Variants in TTC28 observed in about 807,000 individuals in gnomAD.
TTC28 encodes the protein tetratricopeptide repeat protein 28.
TTC28 carries 61 observed loss-of-function variants against 198.0 expected under a neutral mutation model. That is an observed-to-expected ratio of 0.31 (90% CI 0.25 to 0.38). TTC28 has a LOEUF of 0.38. Among genes scored for constraint, TTC28 ranks in the 10% least tolerant of loss-of-function variants. The probability of loss-of-function intolerance (pLI) is 1.00; values close to 1 mark genes in which losing one functional copy is unlikely to be tolerated. For missense variants in TTC28, 2,678 were observed against 3,164.0 expected (o/e 0.85, Z 3.69); for synonymous variants, 1,171 against 1,297.8 (o/e 0.90, Z 2.10).
intron 2 of TTC28, among the ~76,000 whole-genome samples, chr22:28,505,902 G>T (rs1009378990): frequency 2.4e-4 from 36 of 152,218 alleles, no homozygotes; most frequent in African/African-American, 8.7e-4. Flanking sequence ...AGTTCCCGGG[G>T]AAGAAGGGTG....
At chr22:28,304,971 ATTATTTATTTATTTAT>A (rs112686882) in intron 3 of TTC28, among the ~76,000 whole-genome samples, 3 of 147,884 alleles carry the variant, frequency 2.0e-5, no homozygotes, top group Non-Finnish European at 3.0e-5. Flanking sequence ...TTGTTTATTT[ATTATTTATTTATTTAT>A]TTATTTATTT....
chr22:28,391,290 C>A (rs1463676090), intron 2 of TTC28, among the ~76,000 whole-genome samples: 1 of 152,108 alleles, frequency 6.6e-6, no homozygotes, highest in Non-Finnish European at 1.5e-5. Context: ...TCCTTCATTT[C>A]AACTTTGGTG....
In TTC28 at chr22:28,366,010, T is replaced by C. The variant is rs2070979330; in HGVS notation, c.382-59367A>G. 2.0e-5 allele frequency among the ~76,000 whole-genome samples: 3 copies of C among 152,204 alleles called. 1 individual carries two copies. The South Asian group carries it at 6.2e-4, about 31-fold the overall frequency. On this transcript the variant is annotated intron_variant, in intron 2 of 22. Coordinates refer to ENST00000397906, the MANE Select transcript of TTC28 (RefSeq NM_001145418.2). The stretch of plus-strand genomic sequence containing the variant: ...CATCTATTTGCACATGGCTAAGTGC[T>C]AAATACTATGTAAAACTGAACACAA...
At chr22:28,158,148 AG>A (rs1323325181) in intron 6 of TTC28, among the ~76,000 whole-genome samples, 1 of 152,198 alleles carries the variant, frequency 6.6e-6, no homozygotes, top group Non-Finnish European at 1.5e-5. Context: ...GAAATAAGAA[AG>A]GAATCTCATT....
chr22:28,584,023 T>G (rs908380845), intron 2 of TTC28, among the ~76,000 whole-genome samples: 2 of 150,152 alleles, frequency 1.3e-5, no homozygotes, highest in Non-Finnish European at 3.0e-5. Flanking sequence ...TTTGTTTTTT[T>G]TTTTTTTTTT....
At chr22:28,140,146 G>A (rs916688510) in intron 6 of TTC28, among the ~76,000 whole-genome samples, 1 of 152,186 alleles carries the variant, frequency 6.6e-6, no homozygotes, top group Non-Finnish European at 1.5e-5. Flanking sequence ...TTGTTGTGAG[G>A]ACAAACCGAA....
chr22:28,299,422 T>A (rs1443488513), intron 3 of TTC28, among the ~76,000 whole-genome samples: 2 of 152,148 alleles, frequency 1.3e-5, no homozygotes, highest in African/African-American at 4.8e-5. Flanking sequence ...TGTGGGTGCC[T>A]AAAGCATTTT....
At chr22:28,101,133 G>C (rs1038549558) in intron 9 of TTC28, 38 bp downstream of exon 9, 2 of 1,479,182 alleles carry the variant, frequency 1.4e-6, no homozygotes, top group Middle Eastern at 1.7e-4. Context: ...CATGCTTCTG[G>C]AAACAAAAAA....
chr22:28,514,153 A>G (rs2048738960), intron 2 of TTC28, among the ~76,000 whole-genome samples: 1 of 152,176 alleles, frequency 6.6e-6, no homozygotes, highest in Non-Finnish European at 1.5e-5. Flanking sequence ...ATATGTCATA[A>G]ATTTCTAACA....
intron 12 of TTC28, among the ~76,000 whole-genome samples, chr22:28,051,563 G>A (rs938363296): frequency 6.6e-6 from 1 of 151,968 alleles, no homozygotes; most frequent in African/African-American, 2.4e-5. Context: ...CCAGATGCTC[G>A]AGATAGAGCA....
chr22:28,407,724 G>A (rs1465920699), intron 2 of TTC28, among the ~76,000 whole-genome samples: 1 of 152,112 alleles, frequency 6.6e-6, no homozygotes, highest in Non-Finnish European at 1.5e-5. Context: ...TGGGCTTTGT[G>A]ACTTGCGCAT....
intron 2 of TTC28, among the ~76,000 whole-genome samples, chr22:28,588,127 G>A (rs1214721286): frequency 2.8e-5 from 4 of 144,192 alleles, no homozygotes; most frequent in African/African-American, 9.9e-5. Context: ...GGGTGACAGA[G>A]GGAGACTCCG....
At chr22:28,454,868 G>T (rs945802541) in intron 2 of TTC28, among the ~76,000 whole-genome samples, 1 of 152,180 alleles carries the variant, frequency 6.6e-6, no homozygotes, top group Non-Finnish European at 1.5e-5. Context: ...AAACTGACAG[G>T]CAGCCTTAAG....
chr22:28,068,342 T>A (rs1320325826), intron 12 of TTC28, among the ~76,000 whole-genome samples: 1 of 152,074 alleles, frequency 6.6e-6, no homozygotes, highest in Non-Finnish European at 1.5e-5. Context: ...AAAAGAGGGG[T>A]CATAGTTGTC....
chr22:28,492,148 T>C (rs920725394), intron 2 of TTC28, among the ~76,000 whole-genome samples: 1 of 151,896 alleles, frequency 6.6e-6, no homozygotes, highest in African/African-American at 2.4e-5. Flanking sequence ...CATTAGGAGA[T>C]ATACCTAATG....
rs546790660 is a variant in TTC28, at chr22:28,191,460, C to T, written c.934-27861G>A. ...AGTGGGTGCAGGTCAGTGGGTGCAG[C>T]GCACCGAGCGTAAGCGGAGGCAGGG... On this transcript the variant is annotated intron_variant, in intron 5 of 22. Transcript: ENST00000397906. Among the ~76,000 whole-genome samples, 165 of 152,324 alleles carry T rather than the reference C, an allele frequency of 1.1e-3. 1 individual carries two copies. The highest frequency in any genetic ancestry group is 3.3e-3 in the African/African-American group (139 of 41,590).
chr22:28,182,812 G>A (rs1001832021), intron 5 of TTC28, among the ~76,000 whole-genome samples: 2 of 152,140 alleles, frequency 1.3e-5, no homozygotes, highest in African/African-American at 4.8e-5. Flanking sequence ...ACAAACAAGA[G>A]ACAGAGAATT....
chr22:28,248,362 TC>T (rs1216347836), intron 5 of TTC28, among the ~76,000 whole-genome samples: 1 of 152,176 alleles, frequency 6.6e-6, no homozygotes, highest in Non-Finnish European at 1.5e-5. Flanking sequence ...CACTACTTTC[TC>T]AGGCTCTTCT....
chr22:28,563,516 A>G (rs1007748586), intron 2 of TTC28, among the ~76,000 whole-genome samples: 3 of 152,206 alleles, frequency 2.0e-5, no homozygotes, highest in African/African-American at 7.2e-5. Context: ...TAATCCAAAG[A>G]AGATAAACAG....
Sources: gnomAD v4.1 joint callset for allele counts (sites outside exome capture counted in the v4.1 genomes callset) on GRCh38, gnomAD v4.1.1 for gene constraint, MANE v1.5 for transcripts, NCBI Gene and HGNC (gene_info 2026-07-23, HGNC 2026-07-21) for gene names.